The following SHROOM3 variants were observed in gnomAD, a reference collection of about 807,000 sequenced individuals.
The protein encoded by SHROOM3 is shroom family member 3, also known as protein Shroom3.
SHROOM3 carries 47 observed loss-of-function variants against 138.6 expected under a neutral mutation model. That is an observed-to-expected ratio of 0.34 (90% confidence interval 0.27 to 0.43). The LOEUF is 0.43. Ranked by LOEUF, SHROOM3 falls within the 20% of genes least tolerant of loss-of-function variation. The probability of loss-of-function intolerance (pLI) is 1.00; values close to 1 mark genes in which losing one functional copy is unlikely to be tolerated. For synonymous variants in SHROOM3, 1,062 were observed against 1,063.3 expected, an observed-to-expected ratio of 1.00 and a Z score of 0.02; for missense variants, 2,491 against 2,596.5, an observed-to-expected ratio of 0.96 and a Z score of 0.88.
In SHROOM3 at chr4:76,517,134, C is replaced by G. The variant is rs116174618; in HGVS notation, c.169-38475C>G. 7.2e-3 allele frequency among the ~76,000 whole-genome samples: 1,097 copies of G among 152,294 alleles called. 14 individuals are homozygous for G. Among genetic ancestry groups the G allele is most frequent in the African/African-American group, 0.025 (1,050 of 41,550 alleles). On this transcript the variant is annotated intron_variant, in intron 1 of 10. Coordinates refer to ENST00000296043, the MANE Select transcript of SHROOM3 (RefSeq NM_020859.4). ...TCAGGTTTCTTCTCAGTGACAACTG[C>G]TTGGTCTTCTTTGCTGTAAAAGAAC...
At position 76,693,378 on chromosome 4, in the gene SHROOM3, T is replaced by TTTTTTTTG. The variant is rs1553937646; in HGVS notation, c.324-16771_324-16770insGTTTTTTT. Among the ~76,000 whole-genome samples the TTTTTTTTG allele has an allele frequency of 3.0e-4, 40 of 132,196 alleles. No homozygotes were observed. The South Asian group carries it at 3.1e-3, about 10-fold the overall frequency. 86.7% of individuals were successfully genotyped at this position (132,196 alleles called of 152,430 possible). ...TTCATTTTGATAAGTTTGTTTTTTT[T>TTTTTTTTG]TTTTTTTTTTTTTTTAAAGCAACAA... is the stretch of plus-strand genomic sequence containing the variant. On this transcript the variant is annotated intron_variant, in intron 2 of 10. Transcript: ENST00000296043.
intron 1 of SHROOM3, among the ~76,000 whole-genome samples, chr4:76,509,903 A>G (rs1732295275): frequency 1.3e-5 from 2 of 152,158 alleles, no homozygotes; most frequent in African/African-American, 4.8e-5. Flanking sequence ...ATTCTCAGAT[A>G]TGTATTGCTC....
At chr4:76,490,681 A>G (rs1253659958) in intron 1 of SHROOM3, among the ~76,000 whole-genome samples, 1 of 152,196 alleles carries the variant, frequency 6.6e-6, no homozygotes, top group East Asian at 1.9e-4. Context: ...CCTCAGTTGA[A>G]TTGTATTTCA....
At chr4:76,509,254 C>CCGA (rs200444625) in intron 1 of SHROOM3, 1 of 135,452 alleles carries the variant, frequency 7.4e-6, no homozygotes, top group South Asian at 2.5e-4. Flanking sequence ...ATACATATCC[C>CCGA]CCCCTCCGAA....
In SHROOM3 at chr4:76,756,808, C is replaced by A. The variant is rs1168907435; in HGVS notation, c.5069C>A (p.Ser1690Tyr). The A allele has an allele frequency of 3.7e-6, 6 of 1,613,908 alleles. No individual in the cohort carries two copies. Among genetic ancestry groups the A allele is most frequent in the African/African-American group, 1.3e-5 (1 of 74,868 alleles). Residue 1690 changes from serine (S) to tyrosine (Y), a missense_variant, in exon 8 of 11, where the codon TCC becomes TAC. Ser to Tyr is a moderately radical substitution (Grantham distance 144). This residue lies in a region of SHROOM3 where 470 missense variants were observed against 595.0 expected (regional missense o/e 0.79). Transcript: ENST00000296043. ...KSLADILDPD[S>Y]RLKTTMDLME... ...CTAGCAGACATTTTGGATCCAGACT[C>A]CAGGCTGAAGACAACAATGGACCTG...
intron 2 of SHROOM3, 83 bp downstream of exon 2, chr4:76,555,846 C>T: frequency 6.7e-7 from 1 of 1,500,312 alleles, no homozygotes; most frequent in Non-Finnish European, 9.1e-7. Flanking sequence ...GGGAAAAGAG[C>T]TCGGGGTTGG....
At chr4:76,601,297 G>A (rs2110055028) in intron 2 of SHROOM3, among the ~76,000 whole-genome samples, 1 of 152,192 alleles carries the variant, frequency 6.6e-6, no homozygotes, top group African/African-American at 2.4e-5. Context: ...CATCTAGTGG[G>A]TAGAGGTCAG....
At chr4:76,717,569 G>GT (rs773072966) in intron 3 of SHROOM3, among the ~76,000 whole-genome samples, 1 of 151,862 alleles carries the variant, frequency 6.6e-6, no homozygotes, top group Non-Finnish European at 1.5e-5. Flanking sequence ...AGTTTTGAAG[G>GT]TTTTTTATTC....
In SHROOM3 at chr4:76,779,089, C is replaced by T; in HGVS notation, c.5903C>T (p.Ala1968Val). The change falls in exon 11 of 11, where the codon GCT (alanine) becomes GTT (valine). Residue 1968 changes from alanine to valine, a missense_variant. Ala to Val is a moderately conservative substitution (Grantham distance 64). Coordinates refer to ENST00000296043, the MANE Select transcript of SHROOM3 (RefSeq NM_020859.4). ...TTCATTCCCAAGGCTGGGGCCCTGG[C>T]TCTGCCCCCAAACCTCACGAGTGAG... is the stretch of plus-strand genomic sequence containing the variant. Reference protein sequence around the residue: ...SDFIPKAGALALPPNLTSEPI... With the variant: ...SDFIPKAGALVLPPNLTSEPI... The T allele has an allele frequency of 6.2e-7, 1 of 1,614,208 alleles. No individual in the cohort carries two copies. The highest frequency in any genetic ancestry group is 8.5e-7 in the Non-Finnish European group (1 of 1,180,040).
At chr4:76,716,039 C>T (rs553084153) in intron 3 of SHROOM3, 1 of 206,824 alleles carries the variant, frequency 4.8e-6, no homozygotes, top group Non-Finnish European at 9.9e-6. Context: ...CTTCCCTCCT[C>T]CTCTTGCCCA....
chr4:76,496,088 T>C (rs1430967100), intron 1 of SHROOM3, among the ~76,000 whole-genome samples: 1 of 152,160 alleles, frequency 6.6e-6, no homozygotes, highest in Non-Finnish European at 1.5e-5. Context: ...GCTAGGCTAG[T>C]GTGTTGAGAG....
At chr4:76,742,929 CTG>C (rs1045578952) in intron 5 of SHROOM3, among the ~76,000 whole-genome samples, 25 of 93,056 alleles carry the variant, frequency 2.7e-4, no homozygotes, top group Non-Finnish European at 7.2e-5. Context: ...ATGAAAAATG[CTG>C]TGTTACAGCA....
intron 5 of SHROOM3, among the ~76,000 whole-genome samples, chr4:76,748,182 A>G (rs1162351128): frequency 1.3e-5 from 2 of 152,168 alleles, no homozygotes; most frequent in African/African-American, 4.8e-5. Flanking sequence ...CTCAACCACT[A>G]AACAAAAACA....
intron 1 of SHROOM3, among the ~76,000 whole-genome samples, chr4:76,438,745 TA>T (rs1228492909): frequency 6.8e-5 from 10 of 146,656 alleles, no homozygotes; most frequent in African/African-American, 2.5e-4. Context: ...GGGCAGGGAC[TA>T]TTTTTTTTTT....
intron 2 of SHROOM3, among the ~76,000 whole-genome samples, chr4:76,677,863 A>C (rs2095293527): frequency 6.6e-6 from 1 of 152,224 alleles, no homozygotes; most frequent in Admixed American, 6.5e-5. Context: ...TACGGGGAGA[A>C]AGTTGTGCTT....
At chr4:76,444,172 C>T (rs956914983) in intron 1 of SHROOM3, among the ~76,000 whole-genome samples, 1 of 152,122 alleles carries the variant, frequency 6.6e-6, no homozygotes, top group Admixed American at 6.5e-5. Flanking sequence ...ACCTCAACCT[C>T]CCTAAGTGCT....
At position 76,781,422 on chromosome 4, in the gene SHROOM3, C is replaced by G. The variant is rs1212079895; in HGVS notation, c.*2245C>G. On this transcript the variant is annotated 3_prime_UTR_variant, in exon 11 of 11. Transcript: ENST00000296043. ...GGATTACAGGCATGAGCCACTTCAC[C>G]CAGCCACTTTTCTAATTTATAGACA... The G allele has an allele frequency of 6.6e-6, 1 of 152,204 alleles. No homozygotes were observed. Among genetic ancestry groups the G allele is most frequent in the Non-Finnish European group, 1.5e-5 (1 of 68,056 alleles). 9.4% of individuals were successfully genotyped at this position (152,204 alleles called of 1,614,324 possible).
intron 2 of SHROOM3, among the ~76,000 whole-genome samples, chr4:76,587,547 C>T (rs1409839412): frequency 6.6e-6 from 1 of 152,164 alleles, no homozygotes; most frequent in Admixed American, 6.5e-5. Context: ...CTGTGCTAAT[C>T]ATCCTCAAGT....
chr4:76,761,419 C>T (rs1024573026), intron 9 of SHROOM3, among the ~76,000 whole-genome samples: 1 of 152,190 alleles, frequency 6.6e-6, no homozygotes, highest in African/African-American at 2.4e-5. Context: ...ATTTGATTTT[C>T]TTTTCAACAC....
Sources: gnomAD v4.1 joint callset for allele counts (sites outside exome capture counted in the v4.1 genomes callset) on GRCh38, gnomAD v4.1.1 for gene constraint, gnomAD v4.1.1 regional missense constraint, MANE v1.5 for transcripts, NCBI Gene and HGNC (gene_info 2026-07-23, HGNC 2026-07-21) for gene names.